The following CDH12 variants were observed in gnomAD, a reference collection of about 807,000 sequenced individuals.
The protein encoded by CDH12 is cadherin 12.
In CDH12, 41 loss-of-function variants were observed where a neutral mutation model predicts 74.1. The observed-to-expected ratio is 0.55, with a 90% CI of 0.43 to 0.72. The LOEUF is 0.72. CDH12 is among the 30% of genes least tolerant of loss of function. The probability of loss-of-function intolerance (pLI) is 0.00; values close to 1 mark genes in which losing one functional copy is unlikely to be tolerated. For missense variants in CDH12, 945 were observed against 977.2 expected (o/e 0.97, Z 0.44); for synonymous variants, 399 against 355.0 (o/e 1.12, Z -1.39).
At chr5:22,430,105 A>T (rs958303408) in intron 2 of CDH12, among the ~76,000 whole-genome samples, 2 of 152,140 alleles carry the variant, frequency 1.3e-5, no homozygotes, top group South Asian at 2.1e-4. Context: ...ACTTGAGAAA[A>T]TACCTTAAAT....
At chr5:22,308,985 G>C (rs1487997640) in intron 3 of CDH12, among the ~76,000 whole-genome samples, 3 of 150,932 alleles carry the variant, frequency 2.0e-5, no homozygotes, top group African/African-American at 4.9e-5. Flanking sequence ...AAGCGAGAGA[G>C]AGATGACTTC....
intron 2 of CDH12, among the ~76,000 whole-genome samples, chr5:22,423,788 G>A (rs1208055538): frequency 1.3e-5 from 2 of 151,634 alleles, no homozygotes; most frequent in Non-Finnish European, 2.9e-5. Context: ...TGGATCACGA[G>A]GTCAGGAGAT....
intron 4 of CDH12, among the ~76,000 whole-genome samples, chr5:22,091,182 AGTGTGT>A (rs199612473): frequency 7.4e-6 from 1 of 135,612 alleles, no homozygotes; most frequent in Non-Finnish European, 1.6e-5. Flanking sequence ...AATATCCTAA[AGTGTGT>A]GTGTGTGTGT....
At chr5:21,826,676 ATG>A (rs1177976557) in intron 8 of CDH12, among the ~76,000 whole-genome samples, 1 of 152,152 alleles carries the variant, frequency 6.6e-6, no homozygotes, top group African/African-American at 2.4e-5. Flanking sequence ...TAGAAAATCC[ATG>A]TGTGTCAACA....
At chr5:22,423,428 T>C (rs1743744559) in intron 2 of CDH12, among the ~76,000 whole-genome samples, 3 of 152,136 alleles carry the variant, frequency 2.0e-5, no homozygotes, top group African/African-American at 7.2e-5. Flanking sequence ...GAGTAGGTAA[T>C]CCTGGCAATA....
At chr5:22,730,033 C>CA (rs1343627370) in intron 1 of CDH12, among the ~76,000 whole-genome samples, 4 of 151,858 alleles carry the variant, frequency 2.6e-5, no homozygotes, top group East Asian at 1.9e-4. Context: ...GTTTATATTA[C>CA]AAAAAACTAC....
chr5:22,569,184 T>C (rs1218579243), intron 1 of CDH12, among the ~76,000 whole-genome samples: 1 of 152,214 alleles, frequency 6.6e-6, no homozygotes, highest in African/African-American at 2.4e-5. Flanking sequence ...AAATCTCATG[T>C]TGAAATCTAG....
rs116552577 is a variant in CDH12 at position 22,042,560 on chromosome 5, A to C, written c.231+35886T>G. Among the ~76,000 whole-genome samples, 1,228 of 152,246 alleles carry C rather than the reference A, an allele frequency of 8.1e-3. 18 individuals are homozygous for C. Among genetic ancestry groups the C allele is most frequent in the African/African-American group, 0.028 (1,180 of 41,544 alleles). ...AAACCTAGAACAATTATATACCAACAAATTGGAAAACCTATCAAGAATGAA... is the reference window on the plus strand; with the variant it reads ...AAACCTAGAACAATTATATACCAACCAATTGGAAAACCTATCAAGAATGAA... On this transcript the variant is annotated intron_variant, in intron 5 of 14. Transcript: ENST00000382254.
chr5:22,532,913 A>C (rs1428071088), intron 1 of CDH12, among the ~76,000 whole-genome samples: 1 of 152,018 alleles, frequency 6.6e-6, no homozygotes, highest in Non-Finnish European at 1.5e-5. Context: ...CTCAATAATA[A>C]AAGCATAAAG....
At chr5:22,681,396 G>A (rs545963157) in intron 1 of CDH12, among the ~76,000 whole-genome samples, 2 of 151,960 alleles carry the variant, frequency 1.3e-5, no homozygotes, top group African/African-American at 2.4e-5. Context: ...GAAAAACCTG[G>A]TAGTGTGAAA....
At chr5:21,971,613 C>T (rs1359469032) in intron 6 of CDH12, among the ~76,000 whole-genome samples, 2 of 152,102 alleles carry the variant, frequency 1.3e-5, no homozygotes, top group African/African-American at 4.8e-5. Flanking sequence ...ATGGATTTAA[C>T]ACTCTAAACC....
At chr5:21,951,315 C>T (rs1410678405) in intron 6 of CDH12, among the ~76,000 whole-genome samples, 2 of 152,156 alleles carry the variant, frequency 1.3e-5, no homozygotes, top group Non-Finnish European at 2.9e-5. Flanking sequence ...GTGGTGCGGT[C>T]TCAGCTCACT....
intron 4 of CDH12, among the ~76,000 whole-genome samples, chr5:22,115,207 T>C (rs1318526981): frequency 6.6e-6 from 1 of 152,232 alleles, no homozygotes; most frequent in Non-Finnish European, 1.5e-5. Context: ...CTGCCTTTTA[T>C]ATACAGACTG....
At chr5:22,091,182 A>AGT (rs199612473) in intron 4 of CDH12, among the ~76,000 whole-genome samples, 401 of 135,650 alleles carry the variant, frequency 3.0e-3, no homozygotes, top group South Asian at 8.3e-3. Flanking sequence ...AATATCCTAA[A>AGT]GTGTGTGTGT....
At chr5:22,743,512 A>T (rs2127021791) in intron 1 of CDH12, among the ~76,000 whole-genome samples, 1 of 152,042 alleles carries the variant, frequency 6.6e-6, no homozygotes, top group South Asian at 2.1e-4. Flanking sequence ...TCCTTTCAGG[A>T]TGTAGTCATC....
At chr5:22,138,559 G>A (rs965048873) in intron 4 of CDH12, among the ~76,000 whole-genome samples, 14 of 150,626 alleles carry the variant, frequency 9.3e-5, no homozygotes, top group African/African-American at 3.4e-4. Flanking sequence ...TTTATCAAAA[G>A]GTTATTTAAA....
At chr5:22,423,122 C>A (rs1008391762) in intron 2 of CDH12, among the ~76,000 whole-genome samples, 2 of 150,954 alleles carry the variant, frequency 1.3e-5, no homozygotes, top group African/African-American at 4.9e-5. Flanking sequence ...TGAAGAATAC[C>A]CTTGGTGGAG....
At chr5:22,752,253 C>A (rs2127036322) in intron 1 of CDH12, among the ~76,000 whole-genome samples, 1 of 151,912 alleles carries the variant, frequency 6.6e-6, no homozygotes. Flanking sequence ...TTTTTTAAAA[C>A]ATTTTTAATA....
chr5:21,799,836 G>A lies in CDH12; in HGVS notation c.1256+2331C>T, dbSNP rs186222769. Among the ~76,000 whole-genome samples, 11 of 152,248 alleles carry A rather than the reference G, an allele frequency of 7.2e-5. No homozygotes were observed. In the East Asian group the frequency reaches 1.4e-3, roughly 19 times the overall value. On this transcript the variant is annotated intron_variant, in intron 10 of 14. Transcript: ENST00000382254. ...GGGTAGGGTCGCTCAGTGGAGCCCT[G>A]AGAGTGTGACCACTGCACATGAGTG...
Sources: gnomAD v4.1 joint callset for allele counts (sites outside exome capture counted in the v4.1 genomes callset) on GRCh38, gnomAD v4.1.1 for gene constraint, MANE v1.5 for transcripts, NCBI Gene and HGNC (gene_info 2026-07-23, HGNC 2026-07-21) for gene names.